Variants in CDK14 observed in about 807,000 individuals in gnomAD.
CDK14 encodes cyclin-dependent kinase 14.
Under a neutral mutation model 60.7 loss-of-function variants are expected in CDK14, and 34 were observed. That is an observed-to-expected ratio of 0.56 (90% confidence interval 0.43 to 0.75). The LOEUF (loss-of-function observed/expected upper bound fraction) is 0.75. Ranked by LOEUF, CDK14 falls within the 30% of genes least tolerant of loss-of-function variation. The pLI is 0.00. For synonymous variants in CDK14, 197 were observed against 203.7 expected, an observed-to-expected ratio of 0.97 and a Z score of 0.28; for missense variants, 482 against 564.1, an observed-to-expected ratio of 0.85 and a Z score of 1.47.
chr7:91,118,038 A>T, intron 13 of CDK14, 27 bp from the exon 14 acceptor site: 1 of 1,308,782 alleles, frequency 7.6e-7, no homozygotes, highest in South Asian at 1.3e-5. Context: ...TAACTATATA[A>T]ATGAAAACTT....
chr7:90,986,297 A>G (rs768575865), intron 10 of CDK14, among the ~76,000 whole-genome samples: 1 of 152,056 alleles, frequency 6.6e-6, no homozygotes, highest in Non-Finnish European at 1.5e-5. Flanking sequence ...TCATTGCACA[A>G]TCATCCTGTT....
chr7:91,017,840 A>T (rs1796340158), intron 10 of CDK14, among the ~76,000 whole-genome samples: 2 of 152,212 alleles, frequency 1.3e-5, no homozygotes, highest in Admixed American at 6.5e-5. Context: ...CAGGGCCACT[A>T]GGGTACAAAT....
At chr7:90,635,109 T>G (rs1016688232) in intron 2 of CDK14, among the ~76,000 whole-genome samples, 4 of 152,064 alleles carry the variant, frequency 2.6e-5, no homozygotes, top group African/African-American at 9.7e-5. Context: ...TGGTAGTTTC[T>G]TTTGCTGTGC....
At chr7:90,819,908 G>C (rs1011742375) in intron 5 of CDK14, among the ~76,000 whole-genome samples, 1 of 152,078 alleles carries the variant, frequency 6.6e-6, no homozygotes, top group Non-Finnish European at 1.5e-5. Flanking sequence ...ATGTTTTAAA[G>C]GTTATCAGTT....
At chr7:91,056,728 G>A (rs1447368110) in intron 11 of CDK14, among the ~76,000 whole-genome samples, 3 of 152,186 alleles carry the variant, frequency 2.0e-5, no homozygotes, top group Non-Finnish European at 1.5e-5. Flanking sequence ...TCCCTACAAA[G>A]GACGTGAACT....
intron 2 of CDK14, among the ~76,000 whole-genome samples, chr7:90,688,376 A>G (rs1303703419): frequency 2.0e-5 from 3 of 152,212 alleles, no homozygotes; most frequent in Non-Finnish European, 4.4e-5. Flanking sequence ...TTACGATCAT[A>G]TTGAAGAAAC....
chr7:91,043,597 CAG>C (rs200278483), intron 10 of CDK14, among the ~76,000 whole-genome samples: 1,569 of 152,290 alleles, frequency 0.01, 23 homozygotes, highest in African/African-American at 0.034. Context: ...TCGTTTATGT[CAG>C]AGACAATGCT....
intron 10 of CDK14, among the ~76,000 whole-genome samples, chr7:91,023,019 T>C (rs1055932972): frequency 2.6e-5 from 4 of 151,958 alleles, no homozygotes; most frequent in African/African-American, 9.7e-5. Flanking sequence ...TATATATTTT[T>C]TTTTTTTCGT....
chr7:91,159,977 G>A (rs1421287826), intron 14 of CDK14, among the ~76,000 whole-genome samples: 1 of 152,158 alleles, frequency 6.6e-6, no homozygotes, highest in Non-Finnish European at 1.5e-5. Flanking sequence ...GCATGAGTGT[G>A]ATGGGAAGTC....
chr7:90,863,667 G>GAT (rs1273750752), intron 6 of CDK14, among the ~76,000 whole-genome samples: 1 of 61,214 alleles, frequency 1.6e-5, no homozygotes, highest in Non-Finnish European at 3.6e-5. Flanking sequence ...TGCTTATTAA[G>GAT]ATATGTGTGT....
At chr7:91,011,191 A>G (rs532522305) in intron 10 of CDK14, among the ~76,000 whole-genome samples, 1 of 152,128 alleles carries the variant, frequency 6.6e-6, no homozygotes, top group East Asian at 1.9e-4. Context: ...AACAACAAAA[A>G]GCTGCTGTTT....
chr7:90,924,984 A>G (rs890582777), intron 8 of CDK14, among the ~76,000 whole-genome samples: 3 of 152,194 alleles, frequency 2.0e-5, no homozygotes, highest in Admixed American at 2.0e-4. Flanking sequence ...AAAAATAAAA[A>G]CCAATTAAGA....
At chr7:90,691,044 A>G (rs1353078656) in intron 2 of CDK14, among the ~76,000 whole-genome samples, 1 of 152,194 alleles carries the variant, frequency 6.6e-6, no homozygotes, top group Non-Finnish European at 1.5e-5. Context: ...ATTCTTACTC[A>G]TAGTAATAAT....
At chr7:90,596,849 G>T in intron 1 of CDK14, 131 bp downstream of exon 1, 2 of 738,332 alleles carry the variant, frequency 2.7e-6, no homozygotes, top group Non-Finnish European at 4.6e-6. Flanking sequence ...GGGGATCGAG[G>T]GCACAGTGCT....
intron 4 of CDK14, among the ~76,000 whole-genome samples, chr7:90,788,559 G>C (rs188346492): frequency 5.3e-5 from 8 of 152,310 alleles, no homozygotes; most frequent in Non-Finnish European, 1.2e-4. Context: ...TGAGGAGATG[G>C]TACGTTGTGG....
intron 2 of CDK14, among the ~76,000 whole-genome samples, chr7:90,664,617 T>G (rs1467011131): frequency 2.0e-5 from 3 of 152,070 alleles, no homozygotes; most frequent in Non-Finnish European, 4.4e-5. Context: ...CCATAAAAAA[T>G]GATGAGTTCA....
intron 10 of CDK14, among the ~76,000 whole-genome samples, chr7:91,029,596 C>T (rs1191732277): frequency 7.1e-6 from 1 of 141,450 alleles, no homozygotes; most frequent in African/African-American, 2.7e-5. Context: ...CTCCTCTCCT[C>T]TCCTCTCCTC....
intron 9 of CDK14, among the ~76,000 whole-genome samples, chr7:90,958,748 A>G (rs1345890091): frequency 1.3e-5 from 2 of 151,884 alleles, no homozygotes; most frequent in African/African-American, 4.8e-5. Context: ...CTTTTTCTCT[A>G]TTTTTTGAGT....
intron 12 of CDK14, among the ~76,000 whole-genome samples, chr7:91,083,587 G>A (rs1305772895): frequency 6.6e-6 from 1 of 152,140 alleles, no homozygotes; most frequent in South Asian, 2.1e-4. Flanking sequence ...TCATAAGAAT[G>A]AATCATTAGT....
Sources: allele counts gnomAD v4.1 joint callset (sites outside exome capture counted in the v4.1 genomes callset), GRCh38; gene constraint gnomAD v4.1.1; transcripts MANE v1.5; gene names NCBI Gene and HGNC (gene_info 2026-07-23, HGNC 2026-07-21).